SRPX2: variants seen among roughly 807,000 people sequenced by gnomAD.
SRPX2 encodes the protein sushi repeat-containing protein SRPX2.
Under a neutral mutation model 45.3 loss-of-function variants are expected in SRPX2, and 26 were observed. That is an observed-to-expected ratio of 0.57 (90% CI 0.42 to 0.80). The LOEUF is 0.80. Among genes scored for constraint, SRPX2 ranks in the 30% least tolerant of loss-of-function variants. The pLI is 0.00. For synonymous variants in SRPX2, 125 were observed against 143.7 expected (o/e 0.87, Z 0.93); for missense variants, 355 against 399.8 (o/e 0.89, Z 0.95).
chrX:100,652,056 G>T (rs1268143860), intron 3 of SRPX2, among the ~76,000 whole-genome samples: 1 of 111,898 alleles, frequency 8.9e-6, no homozygotes, highest in African/African-American at 3.2e-5. Context: ...ACATGTTTTT[G>T]CACAGAGGCA....
chrX:100,666,640 A>G (rs927659261), intron 7 of SRPX2, 114 bp from the exon 8 acceptor site: 7 of 983,960 alleles, frequency 7.1e-6, no homozygotes, highest in Middle Eastern at 3.4e-4. Context: ...CAGAAAAGCC[A>G]TTTTTCTGAT....
chrX:100,669,496 C>T (rs2083216252), intron 10 of SRPX2, 127 bp downstream of exon 10: 1 of 647,643 alleles, frequency 1.5e-6, no homozygotes, highest in African/African-American at 2.2e-5. Flanking sequence ...TGCGGCACTT[C>T]TTGCGTTTGA....
Position 100,664,871 on chromosome X carries a change from T to A in SRPX2, c.453T>A (p.Ser151Arg), listed in dbSNP as rs762814624. ...LDSRCDYSCS[S>R]GYHLEGDRSR... ...CTCGCTGTGACTACAGCTGTTCCAG[T>A]GGCTACCACCTGGAAGGTGATCGCA... Residue 151 changes from serine to arginine, a missense_variant, in exon 5 of 11, where the codon AGT becomes AGA. Physicochemically the swap from Ser to Arg is moderately radical, Grantham distance 110. Coordinates refer to ENST00000373004, the MANE Select transcript of SRPX2 (RefSeq NM_014467.3). 1.7e-6 allele frequency: 2 copies of A among 1,210,489 alleles called. No homozygotes were observed. The highest frequency in any genetic ancestry group is 3.5e-5 in the South Asian group (2 of 56,580).
chrX:100,661,712 G>A (rs2083187897), intron 3 of SRPX2, among the ~76,000 whole-genome samples: 1 of 112,256 alleles, frequency 8.9e-6, no homozygotes, highest in South Asian at 3.7e-4. Context: ...GGAGCTTGCA[G>A]TGAGCTGAGA....
rs1036292997 is a variant in SRPX2, at chrX:100,673,183, G to A, written c.*2196G>A. ...TCTTTATCACTAACACTTCAAATGG[G>A]GCAAGCCAGGACATACTAGCAGGTC... On this transcript the variant is annotated 3_prime_UTR_variant, in exon 11 of 11. Transcript: ENST00000373004. The A allele has an allele frequency of 9.8e-5, 11 of 111,729 alleles. No individual in the cohort carries two copies. The highest frequency in any genetic ancestry group is 3.6e-4 in the African/African-American group (11 of 30,653). 9.2% of individuals were successfully genotyped at this position (111,729 alleles called of 1,213,427 possible).
chrX:100,664,650 G>A (rs1305068329), intron 4 of SRPX2, 124 bp from the exon 5 acceptor site: 1 of 695,546 alleles, frequency 1.4e-6, no homozygotes, highest in African/African-American at 2.1e-5. Context: ...AAAATGTAAG[G>A]GCAGTTCAGG....
chrX:100,650,634 C>A, intron 2 of SRPX2, 151 bp from the exon 3 acceptor site: 2 of 521,860 alleles, frequency 3.8e-6, no homozygotes, highest in Non-Finnish European at 6.7e-6. Context: ...CCTTACAATG[C>A]AGGATTTCCC....
At chrX:100,666,450 C>T (rs2083204711) in intron 7 of SRPX2, among the ~76,000 whole-genome samples, 1 of 112,595 alleles carries the variant, frequency 8.9e-6, no homozygotes, top group Admixed American at 9.4e-5. Flanking sequence ...GTCATCTTTA[C>T]ACAGCATGTC....
intron 10 of SRPX2, among the ~76,000 whole-genome samples, chrX:100,669,769 C>CTTG (rs2083217035): frequency 1.6e-5 from 1 of 61,663 alleles, no homozygotes; most frequent in Non-Finnish European, 2.8e-5. Flanking sequence ...CAAAAGCCAT[C>CTTG]TTTTTTTTTT....
chrX:100,648,394 C>G lies in SRPX2; in HGVS notation c.82+1990C>G, dbSNP rs914950134. Among the ~76,000 whole-genome samples the G allele has an allele frequency of 2.7e-5, 3 of 111,648 alleles. No homozygotes were observed. The East Asian group carries it at 8.4e-4, about 31-fold the overall frequency. ...AGGTTGGAGGAACCCAGTAACAGAC[C>G]ACACAGTAACCAAGCACTGATTGAT... On this transcript the variant is annotated intron_variant, in intron 2 of 10. Coordinates refer to ENST00000373004, the MANE Select transcript of SRPX2 (RefSeq NM_014467.3).
At position 100,666,827 on chromosome X, in the gene SRPX2, T is replaced by C; in HGVS notation, c.855T>C (p.Gly285=). The C allele has an allele frequency of 8.3e-7, 1 of 1,212,090 alleles. No individual in the cohort carries two copies. Among genetic ancestry groups the C allele is most frequent in the Non-Finnish European group, 1.1e-6 (1 of 895,653 alleles). The change falls in exon 8 of 11, where the codon GGT becomes GGC. Residue 285 remains glycine, a synonymous_variant. Transcript: ENST00000373004. ...LTCTSAGDNY[G]ATCEYHCDGG... Reference sequence around the variant, plus strand: ...GCACCTCAGCGGGGGACAACTATGGTGCCACCTGTGAATACCACTGTGATG... The same window carrying C: ...GCACCTCAGCGGGGGACAACTATGGCGCCACCTGTGAATACCACTGTGATG...
chrX:100,667,262 C>T lies in SRPX2; in HGVS notation c.962-12C>T. 8.3e-7 allele frequency: 1 copy of T among 1,211,792 alleles called. No individual in the cohort carries two copies. The highest frequency in any genetic ancestry group is 1.1e-6 in the Non-Finnish European group (1 of 895,488). On this transcript the variant is annotated splice_polypyrimidine_tract_variant and intron_variant, in intron 8 of 10. Transcript: ENST00000373004. ...AAGCCGTACTCTGACTGGTCACCTGCTTCTGCCCTAGCTATGAAGATTAAC... is the reference window on the plus strand; with the variant it reads ...AAGCCGTACTCTGACTGGTCACCTGTTTCTGCCCTAGCTATGAAGATTAAC...
At position 100,659,808 on chromosome X, in the gene SRPX2, T is replaced by TTC. The variant is rs397935953; in HGVS notation, c.164-2368_164-2367insTC. ...TTTTTTTTTCAAAGCTTTTTTTTTTTCCCCCTTAGGATGTGGGAACTGAGT... is the reference window on the plus strand; with the variant it reads ...TTTTTTTTTCAAAGCTTTTTTTTTTTTCCCCCCTTAGGATGTGGGAACTGAGT... On this transcript the variant is annotated intron_variant, in intron 3 of 10. Coordinates refer to ENST00000373004, the MANE Select transcript of SRPX2 (RefSeq NM_014467.3). Among the ~76,000 whole-genome samples, 729 of 103,811 alleles carry TTC rather than the reference T, an allele frequency of 7.0e-3. 9 individuals carry two copies. Among genetic ancestry groups the TTC allele is most frequent in the East Asian group, 0.035 (116 of 3,316 alleles). The allele number at this position is 103,811 out of a possible 115,157, so 90.1% of individuals were successfully genotyped here. A position where few individuals can be genotyped will look rare whatever the true frequency, so the allele number is the denominator to read the frequency against.
In SRPX2 at chrX:100,662,305, T is replaced by C. The variant is rs777832657; in HGVS notation, c.293T>C (p.Ile98Thr). ...TCCTGTGACCGGGGCTTTCGATTGA[T>C]TGGAAGGAGGTCGGTGCAATGCCTG... is the stretch of plus-strand genomic sequence containing the variant. Reference protein sequence around the residue: ...ELSCDRGFRLIGRRSVQCLPS... With the variant: ...ELSCDRGFRLTGRRSVQCLPS... The change falls in exon 4 of 11, where the codon ATT becomes ACT. Residue 98 changes from isoleucine (I) to threonine (T), a missense_variant. Transcript: ENST00000373004. 1.2e-5 allele frequency: 15 copies of C among 1,210,200 alleles called. No homozygotes were observed. Among genetic ancestry groups the C allele is most frequent in the Non-Finnish European group, 1.7e-5 (15 of 895,381 alleles).
At position 100,671,971 on chromosome X, in the gene SRPX2, C is replaced by T. The variant is rs1426444084; in HGVS notation, c.*984C>T. 8.9e-6 allele frequency: 1 copy of T among 112,270 alleles called. No homozygotes were observed. Among genetic ancestry groups the T allele is most frequent in the African/African-American group, 3.2e-5 (1 of 30,846 alleles). The allele number at this position is 112,270 out of a possible 1,213,427, so 9.3% of individuals were successfully genotyped here. A position where few individuals can be genotyped will look rare whatever the true frequency, so the allele number is the denominator to read the frequency against. On this transcript the variant is annotated 3_prime_UTR_variant, in exon 11 of 11. Coordinates refer to ENST00000373004, the MANE Select transcript of SRPX2 (RefSeq NM_014467.3). ...AGAAGGCAAACGATTCTCTCCCTTC[C>T]TCAGAGGAGTCCCCAGCTTGTTACT...
chrX:100,657,700 G>C (rs920577238), intron 3 of SRPX2, among the ~76,000 whole-genome samples: 1 of 110,770 alleles, frequency 9.0e-6, no homozygotes, highest in Non-Finnish European at 1.9e-5. Flanking sequence ...CTCATTGTGT[G>C]GTTTTGATTT....
chrX:100,662,269 G>C lies in SRPX2; in HGVS notation c.257G>C (p.Arg86Pro). 1 of 1,212,007 alleles carries C rather than the reference G, an allele frequency of 8.3e-7. No homozygotes were observed. The highest frequency in any genetic ancestry group is 1.1e-6 in the Non-Finnish European group (1 of 895,595). Reference protein sequence around the residue: ...GGNYHSSLGTRCELSCDRGFR... With the variant: ...GGNYHSSLGTPCELSCDRGFR... The stretch of plus-strand genomic sequence containing the variant: ...AATTATCACAGCAGCCTGGGCACGC[G>C]TTGTGAGCTCTCCTGTGACCGGGGC... Residue 86 changes from arginine (R) to proline (P), a missense_variant, in exon 4 of 11, where the codon CGT (arginine) becomes CCT (proline). Arg to Pro is a moderately radical substitution (Grantham distance 103). Coordinates refer to ENST00000373004, the MANE Select transcript of SRPX2 (RefSeq NM_014467.3).
At chrX:100,668,724 C>A (rs903421865) in intron 9 of SRPX2, among the ~76,000 whole-genome samples, 10 of 111,758 alleles carry the variant, frequency 8.9e-5, no homozygotes, top group Non-Finnish European at 1.7e-4. Flanking sequence ...ATCCTGGAGA[C>A]CGAGCGAAGG....
chrX:100,662,616 T>G (rs1270368757), intron 4 of SRPX2, among the ~76,000 whole-genome samples: 1 of 111,593 alleles, frequency 9.0e-6, no homozygotes. Context: ...AGCCCAGGAG[T>G]GCACAGCCAG....
Sources: allele counts gnomAD v4.1 joint callset (sites outside exome capture counted in the v4.1 genomes callset), GRCh38; gene constraint gnomAD v4.1.1; transcripts MANE v1.5; gene names NCBI Gene and HGNC (gene_info 2026-07-23, HGNC 2026-07-21).